SOS1: variants seen among roughly 807,000 people sequenced by gnomAD.
SOS1 encodes SOS Ras/Rac guanine nucleotide exchange factor 1.
SOS1 carries 25 observed loss-of-function variants against 157.6 expected under a neutral mutation model. The observed-to-expected ratio is 0.16, with a 90% confidence interval of 0.12 to 0.22. SOS1 has a LOEUF of 0.22. Among genes scored for constraint, SOS1 ranks in the 10% least tolerant of loss-of-function variants. The probability of loss-of-function intolerance (pLI) is 1.00; values close to 1 mark genes in which losing one functional copy is unlikely to be tolerated. For synonymous variants in SOS1, 528 were observed against 534.0 expected (o/e 0.99, Z 0.16); for missense variants, 1,237 against 1,599.1 (o/e 0.77, Z 3.86).
intron 8 of SOS1, 57 bp downstream of exon 8, chr2:39,035,155 C>CAAA: frequency 1.1e-6 from 1 of 933,956 alleles, no homozygotes; most frequent in Non-Finnish European, 1.6e-6. Context: ...AATGAAGTAG[C>CAAA]AAAAAAAAAA....
chr2:39,079,766 T>C (rs1672138554), intron 1 of SOS1, among the ~76,000 whole-genome samples: 1 of 152,168 alleles, frequency 6.6e-6, no homozygotes, highest in Non-Finnish European at 1.5e-5. Context: ...GTGCTGGGAT[T>C]ACAGGCATGA....
chr2:38,991,754 C>T (rs1258487427), intron 20 of SOS1, among the ~76,000 whole-genome samples: 1 of 152,088 alleles, frequency 6.6e-6, no homozygotes, highest in Non-Finnish European at 1.5e-5. Flanking sequence ...CTATTTTTAG[C>T]GTTTAACTGT....
At chr2:39,024,533 A>G (rs1669896454) in intron 8 of SOS1, among the ~76,000 whole-genome samples, 1 of 151,438 alleles carries the variant, frequency 6.6e-6, no homozygotes, top group East Asian at 1.9e-4. Context: ...TGACCCCTAT[A>G]TTATTGTTAT....
chr2:39,091,287 G>A (rs950349813), intron 1 of SOS1, among the ~76,000 whole-genome samples: 1 of 152,134 alleles, frequency 6.6e-6, no homozygotes, highest in Non-Finnish European at 1.5e-5. Flanking sequence ...ACCTCCTTGA[G>A]GGTAGTGAGC....
chr2:39,083,654 C>T (rs1379898897), intron 1 of SOS1, among the ~76,000 whole-genome samples: 2 of 152,082 alleles, frequency 1.3e-5, no homozygotes, highest in African/African-American at 4.8e-5. Flanking sequence ...ACTGATAAGA[C>T]TTTTTGAAAA....
At chr2:39,056,975 G>C (rs1558492547) in intron 3 of SOS1, 109 bp from the exon 4 acceptor site, 4 of 782,454 alleles carry the variant, frequency 5.1e-6, no homozygotes, top group African/African-American at 3.5e-5. Flanking sequence ...TTTTTCCTGA[G>C]GCCTGTGCTT....
At chr2:39,071,801 T>C (rs191882058) in intron 1 of SOS1, among the ~76,000 whole-genome samples, 9 of 152,318 alleles carry the variant, frequency 5.9e-5, no homozygotes, top group African/African-American at 9.6e-5. Flanking sequence ...TTTATGCTAA[T>C]GCAATCTGAA....
chr2:39,033,327 A>C (rs4670272), intron 8 of SOS1, among the ~76,000 whole-genome samples: 142,172 of 152,052 alleles, frequency 0.94, 66,576 homozygotes, highest in African/African-American at 0.97. Flanking sequence ...TAATACGAAC[A>C]AGGGATACAC....
intron 6 of SOS1, among the ~76,000 whole-genome samples, chr2:39,037,384 CAAA>C (rs1024718115): frequency 6.6e-6 from 1 of 152,162 alleles, no homozygotes; most frequent in Non-Finnish European, 1.5e-5. Context: ...CTTTTATACT[CAAA>C]AATTTTTCAA....
Position 39,058,821 on chromosome 2 carries a change from A to G in SOS1, c.214-17T>C, listed in dbSNP as rs369722808. On this transcript the variant is annotated splice_polypyrimidine_tract_variant and intron_variant, in intron 2 of 22. Coordinates refer to ENST00000402219, the MANE Select transcript of SOS1 (RefSeq NM_005633.4). Reference sequence around the variant, plus strand: ...AACACGTTCCTTGGAAAATAGGAAAATAACAACTAAGCAAAAAATATATTA... The same window carrying G: ...AACACGTTCCTTGGAAAATAGGAAAGTAACAACTAAGCAAAAAATATATTA... 1.6e-5 allele frequency: 26 copies of G among 1,605,056 alleles called. No individual in the cohort carries two copies. The African/African-American group carries it at 3.5e-4, about 21-fold the overall frequency.
chr2:39,023,289 A>C, intron 9 of SOS1, 64 bp from the exon 10 acceptor site: 1 of 1,234,320 alleles, frequency 8.1e-7, no homozygotes, highest in Non-Finnish European at 1.2e-6. Context: ...TCATGTAAGT[A>C]AGGGAAAGTG....
intron 1 of SOS1, among the ~76,000 whole-genome samples, chr2:39,081,013 T>A (rs1672183088): frequency 1.3e-5 from 2 of 150,860 alleles, no homozygotes; most frequent in Non-Finnish European, 3.0e-5. Context: ...AAGTGAGACC[T>A]TGTCTCTCCA....
intron 1 of SOS1, among the ~76,000 whole-genome samples, chr2:39,093,004 T>C (rs1672644831): frequency 6.6e-6 from 1 of 152,236 alleles, no homozygotes; most frequent in Non-Finnish European, 1.5e-5. Flanking sequence ...TTTGGTAAAC[T>C]GTGACTCTTA....
chr2:39,006,298 A>G, intron 17 of SOS1, 114 bp downstream of exon 17: 1 of 755,350 alleles, frequency 1.3e-6, no homozygotes, highest in Admixed American at 1.8e-5. Context: ...CTAAATATTG[A>G]TCAAACAAGT....
At chr2:39,020,706 C>T (rs1330444518) in intron 10 of SOS1, among the ~76,000 whole-genome samples, 1 of 151,662 alleles carries the variant, frequency 6.6e-6, no homozygotes, top group Admixed American at 6.6e-5. Context: ...AAAAACCATT[C>T]TATGTTGCCA....
chr2:39,053,997 G>A (rs1321535109), intron 5 of SOS1, among the ~76,000 whole-genome samples: 1 of 151,254 alleles, frequency 6.6e-6, no homozygotes, highest in Non-Finnish European at 1.5e-5. Context: ...GCGCGATCTC[G>A]GCTCACTGCA....
intron 1 of SOS1, among the ~76,000 whole-genome samples, chr2:39,079,820 G>A (rs1418595493): frequency 6.6e-6 from 1 of 152,000 alleles, no homozygotes; most frequent in East Asian, 1.9e-4. Context: ...TAACCTGTAT[G>A]TTAGGTACAT....
At chr2:39,112,233 C>A (rs1673467638) in intron 1 of SOS1, among the ~76,000 whole-genome samples, 1 of 152,184 alleles carries the variant, frequency 6.6e-6, no homozygotes, top group Non-Finnish European at 1.5e-5. Flanking sequence ...CCCGGCTTAC[C>A]TGAACAGATA....
intron 17 of SOS1, among the ~76,000 whole-genome samples, chr2:39,002,241 G>A (rs57140050): frequency 0.22 from 6,424 of 28,652 alleles, 326 homozygotes; most frequent in African/African-American, 0.44. Flanking sequence ...CAGGAGAACT[G>A]CTGAACCCGG....
Sources: allele counts gnomAD v4.1 joint callset (sites outside exome capture counted in the v4.1 genomes callset), GRCh38; gene constraint gnomAD v4.1.1; transcripts MANE v1.5; gene names NCBI Gene and HGNC (gene_info 2026-07-23, HGNC 2026-07-21).